The following TENM2 variants were observed in gnomAD, a reference collection of about 807,000 sequenced individuals.
The protein encoded by TENM2 is teneurin-2.
TENM2 carries 52 observed loss-of-function variants against 245.2 expected under a neutral mutation model. The ratio of observed to expected loss-of-function variants is 0.21; its 90% CI spans 0.17 to 0.27. The LOEUF (loss-of-function observed/expected upper bound fraction) is 0.27, where lower values mean the gene tolerates loss of function less well. Among genes scored for constraint, TENM2 ranks in the 10% least tolerant of loss-of-function variants. The pLI is 1.00. For synonymous variants in TENM2, 1,363 were observed against 1,438.9 expected, an observed-to-expected ratio of 0.95 and a Z score of 1.19; for missense variants, 3,046 against 3,666.8, an observed-to-expected ratio of 0.83 and a Z score of 4.37.
intron 3 of TENM2, among the ~76,000 whole-genome samples, chr5:167,934,507 C>T (rs760735138): frequency 6.6e-6 from 1 of 152,128 alleles, no homozygotes; most frequent in Non-Finnish European, 1.5e-5. Context: ...AAAGCAAGTA[C>T]TTGAAAGGGT....
At chr5:167,022,102 TTCTGTTCTTGAACTTACC>T in the TENM2 span, among the ~76,000 whole-genome samples, 3 of 152,242 alleles carry the variant, frequency 2.0e-5, no homozygotes, top group Non-Finnish European at 4.4e-5. Flanking sequence ...ATAACATTTC[TTCTGTTCTTGAACTTACC>T]TCTGTAAGTT....
At chr5:167,549,257 T>G (rs1772772577) in intron 2 of TENM2, among the ~76,000 whole-genome samples, 1 of 152,176 alleles carries the variant, frequency 6.6e-6, no homozygotes, top group Admixed American at 6.5e-5. Flanking sequence ...AAGGCCTTTT[T>G]TTCCCTCTTG....
chr5:167,323,432 T>TTATATGTGTA (rs1166977544), intron 1 of TENM2, among the ~76,000 whole-genome samples: 1 of 152,178 alleles, frequency 6.6e-6, no homozygotes, highest in Non-Finnish European at 1.5e-5. Context: ...AATATGTGTG[T>TTATATGTGTA]TATATGTGTA....
the TENM2 span, among the ~76,000 whole-genome samples, chr5:167,054,620 G>C: frequency 6.6e-6 from 1 of 152,120 alleles, no homozygotes; most frequent in African/African-American, 2.4e-5. Context: ...GTCTTCCAAA[G>C]TGGCTGTACC....
chr5:168,163,076 C>T (rs962747364), intron 13 of TENM2, among the ~76,000 whole-genome samples: 11 of 152,190 alleles, frequency 7.2e-5, no homozygotes, highest in African/African-American at 2.2e-4. Flanking sequence ...GGATAACAGT[C>T]GGTGACAATG....
At chr5:167,666,763 T>C (rs1189226157) in intron 2 of TENM2, among the ~76,000 whole-genome samples, 1 of 152,226 alleles carries the variant, frequency 6.6e-6, no homozygotes, top group African/African-American at 2.4e-5. Context: ...GAAGACATTA[T>C]ATAAATTCAG....
the TENM2 span, among the ~76,000 whole-genome samples, chr5:167,076,596 G>A: frequency 5.3e-5 from 8 of 152,168 alleles, no homozygotes; most frequent in East Asian, 5.8e-4. Context: ...TTTTCTTCCC[G>A]TTTAAATGGT....
chr5:167,227,512 G>A, the TENM2 span, among the ~76,000 whole-genome samples: 1 of 152,112 alleles, frequency 6.6e-6, no homozygotes, highest in African/African-American at 2.4e-5. Context: ...CTTCATTTAT[G>A]AGGGATACTT....
At chr5:168,035,339 A>T (rs944837076) in intron 5 of TENM2, among the ~76,000 whole-genome samples, 2 of 152,154 alleles carry the variant, frequency 1.3e-5, no homozygotes, top group African/African-American at 4.8e-5. Flanking sequence ...TCTACTACAA[A>T]TACAAAAATT....
the TENM2 span, among the ~76,000 whole-genome samples, chr5:167,029,610 C>G: frequency 1.3e-5 from 2 of 152,120 alleles, no homozygotes; most frequent in African/African-American, 4.8e-5. Flanking sequence ...TCAGGCTAAT[C>G]TCGGTTTCAT....
chr5:168,072,078 G>T (rs182548690), intron 7 of TENM2, among the ~76,000 whole-genome samples: 3 of 152,274 alleles, frequency 2.0e-5, no homozygotes. Flanking sequence ...TGATATGTTT[G>T]ATATATTTTC....
the TENM2 span, among the ~76,000 whole-genome samples, chr5:167,209,262 T>G: frequency 6.6e-6 from 1 of 151,722 alleles, no homozygotes. Context: ...TTAGCTATTT[T>G]TAGTAATTTT....
intron 2 of TENM2, among the ~76,000 whole-genome samples, chr5:167,739,978 C>T (rs1343639601): frequency 6.6e-6 from 1 of 152,156 alleles, no homozygotes; most frequent in Non-Finnish European, 1.5e-5. Flanking sequence ...GAACTTGCTA[C>T]AGATGCTACT....
chr5:167,224,810 A>C, the TENM2 span, among the ~76,000 whole-genome samples: 1 of 152,158 alleles, frequency 6.6e-6, no homozygotes, highest in East Asian at 1.9e-4. Flanking sequence ...AGTTTTAACA[A>C]TATTAATTGT....
chr5:168,167,292 T>G (rs1428991590), intron 13 of TENM2, among the ~76,000 whole-genome samples: 1 of 152,060 alleles, frequency 6.6e-6, no homozygotes, highest in African/African-American at 2.4e-5. Context: ...GGTGTAGGTT[T>G]CCTCTAAAAG....
At chr5:167,576,350 G>GA (rs1043246764) in intron 2 of TENM2, among the ~76,000 whole-genome samples, 2 of 147,320 alleles carry the variant, frequency 1.4e-5, no homozygotes, top group African/African-American at 2.5e-5. Flanking sequence ...TTTTTTACAG[G>GA]AAAAAAAGAA....
exon 12 of TENM2, chr5:168,126,891 G>A: frequency 6.2e-7 from 1 of 1,608,798 alleles, no homozygotes. Flanking sequence ...CTGTAAAGAT[G>A]GCAAATGTGA....
the TENM2 span, among the ~76,000 whole-genome samples, chr5:167,105,408 CA>C: frequency 6.6e-6 from 1 of 152,076 alleles, no homozygotes; most frequent in Admixed American, 6.6e-5. Context: ...TCCTTTGTCC[CA>C]AGGCTCCTGA....
chr5:167,602,248 C>T (rs1033253998), intron 2 of TENM2, among the ~76,000 whole-genome samples: 8 of 152,220 alleles, frequency 5.3e-5, no homozygotes, highest in Admixed American at 2.0e-4. Flanking sequence ...ATCTATTTCT[C>T]GCCAAAGAAG....
Sources: allele counts gnomAD v4.1 joint callset (sites outside exome capture counted in the v4.1 genomes callset), GRCh38; gene constraint gnomAD v4.1.1; transcripts MANE v1.5; gene names NCBI Gene and HGNC (gene_info 2026-07-23, HGNC 2026-07-21).